KIF26B: variants seen among roughly 807,000 people sequenced by gnomAD.
KIF26B encodes the protein kinesin-like protein KIF26B.
Under a neutral mutation model 151.2 loss-of-function variants are expected in KIF26B, and 63 were observed. That is an observed-to-expected ratio of 0.42 (90% CI 0.34 to 0.51). The LOEUF (loss-of-function observed/expected upper bound fraction) is 0.51. KIF26B is among the 20% of genes least tolerant of loss of function. The probability of loss-of-function intolerance (pLI) is 0.07; values close to 1 mark genes in which losing one functional copy is unlikely to be tolerated. For missense variants in KIF26B, 2,813 were observed against 2,913.6 expected (o/e 0.97, Z 0.79); for synonymous variants, 1,357 against 1,262.1 (o/e 1.08, Z -1.59).
chr1:245,291,870 G>A lies in KIF26B; in HGVS notation c.466-74964G>A, dbSNP rs561577710. On this transcript the variant is annotated intron_variant, in intron 2 of 14. Coordinates refer to ENST00000407071, the MANE Select transcript of KIF26B (RefSeq NM_018012.4). ...TCAGAGAGAGGGAGTGTGCAGAAGGGCCCTGGTGCAGGAAACTGGGAGAGG... is the reference window on the plus strand; with the variant it reads ...TCAGAGAGAGGGAGTGTGCAGAAGGACCCTGGTGCAGGAAACTGGGAGAGG... Among the ~76,000 whole-genome samples the A allele has an allele frequency of 3.9e-5, 6 of 152,234 alleles. No individual in the cohort carries two copies. In the East Asian group the frequency reaches 1.2e-3, roughly 29 times the overall value.
At chr1:245,163,684 A>G (rs1040083096) in intron 2 of KIF26B, among the ~76,000 whole-genome samples, 14 of 152,098 alleles carry the variant, frequency 9.2e-5, no homozygotes, top group African/African-American at 3.4e-4. Context: ...CTTTTTAGCA[A>G]TTTTTAAGAG....
At position 245,244,756 on chromosome 1, in the gene KIF26B, T is replaced by TCACACACACACACACACACACACACA. The variant is rs55638619; in HGVS notation, c.465+88084_465+88109dup. On this transcript the variant is annotated intron_variant, in intron 2 of 14. Coordinates refer to ENST00000407071, the MANE Select transcript of KIF26B (RefSeq NM_018012.4). This position sits in a 1 kb window ranked among gnomAD's most constrained non-coding sequence, Gnocchi z 4.2. ...AGAAGGAACACACAGACACGCACAC[T>TCACACACACACACACACACACACACA]CACACACACACACACACACACACAC... Among the ~76,000 whole-genome samples the TCACACACACACACACACACACACACA allele has an allele frequency of 2.8e-5, 4 of 144,354 alleles. No homozygotes were observed. The highest frequency in any genetic ancestry group is 2.1e-4 in the Admixed American group (3 of 14,216). The allele number at this position is 144,354 out of a possible 152,430, so 94.7% of individuals were successfully genotyped here.
At chr1:245,351,172 GA>G in intron 2 of KIF26B, among the ~76,000 whole-genome samples, 1 of 152,192 alleles carries the variant, frequency 6.6e-6, no homozygotes. Flanking sequence ...GGAGGGTCTG[GA>G]AAATGAGCCG....
At chr1:245,336,244 G>A (rs760558103) in intron 2 of KIF26B, among the ~76,000 whole-genome samples, 6 of 152,346 alleles carry the variant, frequency 3.9e-5, no homozygotes, top group South Asian at 2.1e-4. Context: ...CTGCACGGAT[G>A]CCATCTAGAA....
chr1:245,364,366 T>C (rs1672891305), intron 2 of KIF26B, among the ~76,000 whole-genome samples: 1 of 151,338 alleles, frequency 6.6e-6, no homozygotes, highest in African/African-American at 2.4e-5. Context: ...CTCCAAGGGC[T>C]AGCGTTGGAA....
At chr1:245,612,233 C>T (rs2043535495) in intron 9 of KIF26B, among the ~76,000 whole-genome samples, 1 of 152,094 alleles carries the variant, frequency 6.6e-6, no homozygotes, top group South Asian at 2.1e-4. Flanking sequence ...CCTCAGTCTC[C>T]CAAGTAGCTT....
intron 3 of KIF26B, among the ~76,000 whole-genome samples, chr1:245,408,349 CTTTTTTTT>C (rs58724712): frequency 6.2e-5 from 7 of 113,332 alleles, no homozygotes; most frequent in Admixed American, 1.0e-4. Flanking sequence ...TTAAATGATT[CTTTTTTTT>C]TTTTTTTTTT....
rs1339848788 is a variant in KIF26B at position 245,488,633 on chromosome 1, C to G, written c.1167-52134C>G. On this transcript the variant is annotated intron_variant, in intron 4 of 14. Coordinates refer to ENST00000407071, the MANE Select transcript of KIF26B (RefSeq NM_018012.4). The surrounding 1 kb of genome is among the most constrained non-coding windows in gnomAD (Gnocchi z 4.6). The stretch of plus-strand genomic sequence containing the variant: ...ATGCTATCACTCCTCTGCCGTGGCC[C>G]CATCCTCCTCTGTCTGGCTTTTGAT... Among the ~76,000 whole-genome samples, 3 of 152,174 alleles carry G rather than the reference C, an allele frequency of 2.0e-5. No individual in the cohort carries two copies. The highest frequency in any genetic ancestry group is 2.9e-5 in the Non-Finnish European group (2 of 68,026).
intron 3 of KIF26B, among the ~76,000 whole-genome samples, chr1:245,380,676 T>A (rs1367231314): frequency 6.6e-6 from 1 of 152,106 alleles, no homozygotes; most frequent in African/African-American, 2.4e-5. Context: ...CCCATGCATT[T>A]ACCCCTGCCC....
rs1453262506 is a variant in KIF26B at position 245,335,984 on chromosome 1, GGTCCCACGCAGGGAAAGGAGA to G, written c.466-30835_466-30815del. On this transcript the variant is annotated intron_variant, in intron 2 of 14. Coordinates refer to ENST00000407071, the MANE Select transcript of KIF26B (RefSeq NM_018012.4). ...GGAGAGTCCCACGCAGGGAAAGGAG[GGTCCCACGCAGGGAAAGGAGA>G]GTCCCACGCAGGGAGAGTCCCACGC... 1.1e-4 allele frequency among the ~76,000 whole-genome samples: 12 copies of G among 114,010 alleles called. No individual in the cohort carries two copies. The East Asian group carries it at 2.9e-3, about 28-fold the overall frequency. The allele number at this position is 114,010 out of a possible 152,430, so 74.8% of individuals were successfully genotyped here.
At chr1:245,490,152 A>T (rs1025141649) in intron 4 of KIF26B, among the ~76,000 whole-genome samples, 2 of 152,132 alleles carry the variant, frequency 1.3e-5, no homozygotes, top group African/African-American at 4.8e-5. Context: ...CTTGGCAGGA[A>T]ATAGTGTTGG....
At chr1:245,617,381 T>A (rs2043601862) in intron 9 of KIF26B, among the ~76,000 whole-genome samples, 1 of 152,208 alleles carries the variant, frequency 6.6e-6, no homozygotes, top group African/African-American at 2.4e-5. Flanking sequence ...TTACCATACC[T>A]AGCCTAATCT....
chr1:245,223,105 T>G (rs1184644102), intron 2 of KIF26B, among the ~76,000 whole-genome samples: 1 of 152,158 alleles, frequency 6.6e-6, no homozygotes, highest in South Asian at 2.1e-4. Flanking sequence ...AGGGTACTAC[T>G]GACATCTGGT....
intron 3 of KIF26B, among the ~76,000 whole-genome samples, chr1:245,406,880 C>T (rs565618240): frequency 2.2e-4 from 33 of 152,118 alleles, no homozygotes; most frequent in African/African-American, 7.5e-4. Flanking sequence ...TTCTGCCTCC[C>T]GGGTTCAAGT....
chr1:245,351,452 C>A (rs114667435), intron 2 of KIF26B, among the ~76,000 whole-genome samples: 95 of 143,924 alleles, frequency 6.6e-4, no homozygotes, highest in African/African-American at 2.6e-3. Context: ...ATGCCTTTTC[C>A]CGTCTTAAAC....
At chr1:245,267,634 GCACACACACACA>G (rs66498609) in intron 2 of KIF26B, among the ~76,000 whole-genome samples, 7,310 of 136,254 alleles carry the variant, frequency 0.054, 258 homozygotes, top group African/African-American at 0.088. Flanking sequence ...GCTAAGTAAT[GCACACACACACA>G]CACACACACA....
intron 2 of KIF26B, among the ~76,000 whole-genome samples, chr1:245,160,623 T>C (rs1196418251): frequency 6.6e-6 from 1 of 152,006 alleles, no homozygotes; most frequent in African/African-American, 2.4e-5. Flanking sequence ...CATCTGTTCA[T>C]TTCCATATCA....
At position 245,366,866 on chromosome 1, in the gene KIF26B, A is replaced by G. The variant is rs759095643; in HGVS notation, c.498A>G (p.Lys166=). ...DPAFSAVIHD[K]LQVPNTIRKA... ...CTTTCTCGGCTGTGATTCACGACAA[A>G]CTCCAGGTCCCCAACACCATCCGGA... The change falls in exon 3 of 15, where the codon AAA becomes AAG. Residue 166 remains lysine (K), a synonymous_variant. Transcript: ENST00000407071. 9 of 1,613,932 alleles carry G rather than the reference A, an allele frequency of 5.6e-6. No individual in the cohort carries two copies. The East Asian group carries it at 6.7e-5, about 12-fold the overall frequency.
intron 5 of KIF26B, among the ~76,000 whole-genome samples, chr1:245,548,450 C>A (rs77504224): frequency 6.6e-6 from 1 of 152,030 alleles, no homozygotes; most frequent in Non-Finnish European, 1.5e-5. Flanking sequence ...TCCCAGGGTG[C>A]GAGTTGTCCC....
Sources: allele counts gnomAD v4.1 joint callset (sites outside exome capture counted in the v4.1 genomes callset), GRCh38; gene constraint gnomAD v4.1.1; non-coding constraint Gnocchi (gnomAD v3.1); transcripts MANE v1.5; gene names NCBI Gene and HGNC (gene_info 2026-07-23, HGNC 2026-07-21).